The following MAP3K7 variants were observed in gnomAD, a reference collection of about 807,000 sequenced individuals.
The protein encoded by MAP3K7 is mitogen-activated protein kinase kinase kinase 7, also known as TGF-beta activated kinase 1.
MAP3K7 carries 21 observed loss-of-function variants against 84.8 expected under a neutral mutation model. That is an observed-to-expected ratio of 0.25 (90% CI 0.18 to 0.36). The LOEUF is 0.36. MAP3K7 is among the 10% of genes least tolerant of loss of function. MAP3K7 has a pLI of 1.00. For missense variants in MAP3K7, 503 were observed against 747.7 expected (o/e 0.67, Z 3.82); for synonymous variants, 241 against 247.7 (o/e 0.97, Z 0.25).
intron 14 of MAP3K7, among the ~76,000 whole-genome samples, chr6:90,521,712 T>C (rs1028445391): frequency 6.6e-6 from 1 of 152,070 alleles, no homozygotes; most frequent in Non-Finnish European, 1.5e-5. Context: ...AATTCTTTAG[T>C]GAGTTTCCCC....
intron 1 of MAP3K7, among the ~76,000 whole-genome samples, chr6:90,584,620 C>T (rs774215097): frequency 6.6e-6 from 1 of 152,120 alleles, no homozygotes; most frequent in African/African-American, 2.4e-5. Flanking sequence ...ATGATAACTA[C>T]CTCCTTAGTA....
intron 5 of MAP3K7, among the ~76,000 whole-genome samples, chr6:90,558,725 G>C (rs933592734): frequency 2.0e-5 from 3 of 152,200 alleles, no homozygotes; most frequent in Non-Finnish European, 2.9e-5. Flanking sequence ...CATGTAATTA[G>C]TGCAATGTAA....
intron 1 of MAP3K7, among the ~76,000 whole-genome samples, chr6:90,577,467 A>G (rs1031950387): frequency 2.7e-5 from 4 of 150,920 alleles, no homozygotes; most frequent in Non-Finnish European, 5.9e-5. Context: ...TTTTCTAGTC[A>G]ATCAGTTGGA....
At chr6:90,557,533 G>A (rs537605442) in intron 5 of MAP3K7, among the ~76,000 whole-genome samples, 14 of 152,224 alleles carry the variant, frequency 9.2e-5, no homozygotes, top group African/African-American at 3.1e-4. Flanking sequence ...TGAAAAGAAT[G>A]CTAAATCCAG....
intron 13 of MAP3K7, among the ~76,000 whole-genome samples, chr6:90,525,257 G>T (rs1775283765): frequency 6.6e-6 from 1 of 152,140 alleles, no homozygotes; most frequent in African/African-American, 2.4e-5. Context: ...ATTAATATCA[G>T]AGAGAATGTA....
At chr6:90,585,029 T>G (rs1427543798) in intron 1 of MAP3K7, among the ~76,000 whole-genome samples, 1 of 152,228 alleles carries the variant, frequency 6.6e-6, no homozygotes, top group East Asian at 1.9e-4. Flanking sequence ...TCACATTTCC[T>G]CTCTGGAACT....
intron 5 of MAP3K7, among the ~76,000 whole-genome samples, chr6:90,559,098 T>C (rs1433795224): frequency 1.3e-5 from 2 of 152,180 alleles, no homozygotes; most frequent in South Asian, 2.1e-4. Flanking sequence ...ACTAAGATAA[T>C]AGCCTCAGGA....
At chr6:90,577,942 C>T (rs1016709026) in intron 1 of MAP3K7, among the ~76,000 whole-genome samples, 2 of 152,160 alleles carry the variant, frequency 1.3e-5, no homozygotes, top group African/African-American at 2.4e-5. Context: ...GAGAGCTCTC[C>T]CTTGCTGTTT....
At chr6:90,553,304 G>C (rs1392294364) in intron 7 of MAP3K7, among the ~76,000 whole-genome samples, 154 bp downstream of exon 7, 1 of 152,090 alleles carries the variant, frequency 6.6e-6, no homozygotes, top group African/African-American at 2.4e-5. Context: ...GGCAGGGACA[G>C]GGCAGAGTCT....
In MAP3K7 at chr6:90,548,125, A is replaced by G. The variant is rs1400531317; in HGVS notation, c.1002T>C (p.Asn334=). 6.2e-7 allele frequency: 1 copy of G among 1,612,394 alleles called. No individual in the cohort carries two copies. The change falls in exon 10 of 17, where the codon AAT becomes AAC. Residue 334 remains asparagine (N), a synonymous_variant. Coordinates refer to ENST00000369329, the MANE Select transcript of MAP3K7 (RefSeq NM_145331.3). ...CATTTGTGGCAGGAACTTGCTCCAT[A>G]TTAGTGTCACTTTTGTTACTCGTAT... The part of the protein sequence containing the change: ...STNTSNKSDT[N]MEQVPATNDT...
intron 9 of MAP3K7, among the ~76,000 whole-genome samples, chr6:90,550,194 G>A (rs773445067): frequency 6.6e-6 from 1 of 152,102 alleles, no homozygotes; most frequent in Non-Finnish European, 1.5e-5. Context: ...GATTTTTCAA[G>A]TTAAGAATGA....
intron 4 of MAP3K7, 120 bp from the exon 5 acceptor site, chr6:90,560,334 T>C: frequency 2.1e-6 from 2 of 964,570 alleles, no homozygotes; most frequent in East Asian, 2.7e-5. Context: ...ATATGCTCCA[T>C]CAGTCCTGCT....
Position 90,515,366 on chromosome 6 carries a change from CAA to C in MAP3K7, c.*1133_*1134del, listed in dbSNP as rs749890618. The C allele has an allele frequency of 1.3e-5, 2 of 151,864 alleles. No homozygotes were observed. The highest frequency in any genetic ancestry group is 4.8e-5 in the African/African-American group (2 of 41,386). The allele number at this position is 151,864 out of a possible 1,614,324, so 9.4% of individuals were successfully genotyped here. The stretch of plus-strand genomic sequence containing the variant: ...GTTTTGGTAGCAAAATTACTGTTAA[CAA>C]TATAAATACTCTGTAAGTGTTGAAA... On this transcript the variant is annotated 3_prime_UTR_variant, in exon 17 of 17. Transcript: ENST00000369329.
At chr6:90,539,987 C>T (rs979380362) in intron 12 of MAP3K7, among the ~76,000 whole-genome samples, 7 of 151,866 alleles carry the variant, frequency 4.6e-5, no homozygotes, top group South Asian at 2.1e-4. Flanking sequence ...AGCGAATACG[C>T]GTTTTTTATT....
At chr6:90,517,126 T>A (rs560517884) in intron 16 of MAP3K7, among the ~76,000 whole-genome samples, 1 of 151,924 alleles carries the variant, frequency 6.6e-6, no homozygotes, top group African/African-American at 2.4e-5. Flanking sequence ...AATAGCAAAT[T>A]TGCAATCTAA....
chr6:90,579,375 G>A (rs1777191266), intron 1 of MAP3K7, among the ~76,000 whole-genome samples: 1 of 152,064 alleles, frequency 6.6e-6, no homozygotes, highest in African/African-American at 2.4e-5. Flanking sequence ...TTCTATTTTA[G>A]CCTCCTTCAC....
At chr6:90,538,091 G>A (rs1775736566) in intron 12 of MAP3K7, among the ~76,000 whole-genome samples, 1 of 151,890 alleles carries the variant, frequency 6.6e-6, no homozygotes, top group African/African-American at 2.4e-5. Flanking sequence ...GCCATAAAAT[G>A]AGAAATCTTT....
chr6:90,571,898 T>C (rs1272644214), intron 1 of MAP3K7, 91 bp from the exon 2 acceptor site: 6 of 527,020 alleles, frequency 1.1e-5, no homozygotes, highest in Non-Finnish European at 1.9e-5. Context: ...CTAAAGTCAA[T>C]CTTTAAGACT....
At chr6:90,549,790 A>G (rs558805096) in intron 9 of MAP3K7, among the ~76,000 whole-genome samples, 71 of 152,332 alleles carry the variant, frequency 4.7e-4, no homozygotes, top group African/African-American at 1.6e-3. Context: ...GCCAAGCAGT[A>G]ACCATCTTAA....
Sources: gnomAD v4.1 joint callset for allele counts (sites outside exome capture counted in the v4.1 genomes callset) on GRCh38, gnomAD v4.1.1 for gene constraint, MANE v1.5 for transcripts, NCBI Gene and HGNC (gene_info 2026-07-23, HGNC 2026-07-21) for gene names.